The following DGKG variants were observed in gnomAD, a reference collection of about 807,000 sequenced individuals.
The protein encoded by DGKG is DAG kinase gamma.
A neutral mutation model predicts 105.3 loss-of-function variants in DGKG; 78 were observed. That is an observed-to-expected ratio of 0.74 (90% CI 0.62 to 0.89). The LOEUF (loss-of-function observed/expected upper bound fraction) is 0.89, where lower values mean the gene tolerates loss of function less well. Among genes scored for constraint, DGKG ranks in the 40% least tolerant of loss-of-function variants. The pLI, the probability that DGKG is intolerant of heterozygous loss-of-function variation, is 0.00. For synonymous variants in DGKG, 346 were observed against 367.1 expected, an observed-to-expected ratio of 0.94 and a Z score of 0.66; for missense variants, 958 against 1,020.1, an observed-to-expected ratio of 0.94 and a Z score of 0.83.
chr3:186,164,456 G>A (rs1716439650), intron 23 of DGKG, among the ~76,000 whole-genome samples: 1 of 152,234 alleles, frequency 6.6e-6, no homozygotes, highest in African/African-American at 2.4e-5. Flanking sequence ...AGCATACAAA[G>A]GTGTATAGGA....
chr3:186,295,162 C>T (rs961153081), intron 5 of DGKG, among the ~76,000 whole-genome samples: 4 of 152,054 alleles, frequency 2.6e-5, no homozygotes, highest in Admixed American at 2.0e-4. Flanking sequence ...AATTAGTTCC[C>T]CTTCTCCTTC....
intron 20 of DGKG, 23 bp from the exon 21 acceptor site, chr3:186,211,908 G>C (rs760002403): frequency 3.8e-6 from 6 of 1,580,852 alleles, no homozygotes; most frequent in Non-Finnish European, 5.2e-6. Context: ...GCAGAGAGAT[G>C]TCTCAATATT....
chr3:186,351,405 G>T (rs1028683667), intron 1 of DGKG, among the ~76,000 whole-genome samples: 2 of 152,148 alleles, frequency 1.3e-5, no homozygotes, highest in African/African-American at 4.8e-5. Context: ...CCTAACTACT[G>T]GTTAAAAATA....
chr3:186,334,418 G>T (rs1410129413), intron 1 of DGKG, among the ~76,000 whole-genome samples: 1 of 152,162 alleles, frequency 6.6e-6, no homozygotes, highest in Non-Finnish European at 1.5e-5. Flanking sequence ...GGAAGGCTCT[G>T]GGTAGCCAGG....
rs1032294309 is a variant in DGKG, at chr3:186,226,427, A to G, written c.1827-14542T>C. Among the ~76,000 whole-genome samples, 1 of 152,096 alleles carries G rather than the reference A, an allele frequency of 6.6e-6. No individual in the cohort carries two copies. Among genetic ancestry groups the G allele is most frequent in the African/African-American group, 2.4e-5 (1 of 41,400 alleles). On this transcript the variant is annotated intron_variant, in intron 20 of 24. Transcript: ENST00000265022. The surrounding 1 kb of genome is among the most constrained non-coding windows in gnomAD (Gnocchi z 4.2). ...ATCCCGTGGTGTTATCTCCACCCCA[A>G]CCCTGCATATACAGAAACCGTGATT...
chr3:186,179,835 C>T (rs1382851671), intron 22 of DGKG, among the ~76,000 whole-genome samples: 1 of 152,220 alleles, frequency 6.6e-6, no homozygotes, highest in Non-Finnish European at 1.5e-5. Flanking sequence ...TCCTGAGCTC[C>T]AGTACAGGTG....
Position 186,210,992 on chromosome 3 carries a change from G to C in DGKG, c.1917+803C>G, listed in dbSNP as rs192473090. Among the ~76,000 whole-genome samples, 2 of 152,112 alleles carry C rather than the reference G, an allele frequency of 1.3e-5. No homozygotes were observed. Among genetic ancestry groups the C allele is most frequent in the African/African-American group, 4.8e-5 (2 of 41,422 alleles). On this transcript the variant is annotated intron_variant, in intron 21 of 24. Coordinates refer to ENST00000265022, the MANE Select transcript of DGKG (RefSeq NM_001346.3). This position sits in a 1 kb window ranked among gnomAD's most constrained non-coding sequence, Gnocchi z 5.2. ...CATGGCAATCAATGAGAGGGCTTCC[G>C]GAGCGAAGCCCAGCCAACGTGGGGT... is the stretch of plus-strand genomic sequence containing the variant.
At position 186,220,323 on chromosome 3, in the gene DGKG, T is replaced by C. The variant is rs1445804705; in HGVS notation, c.1827-8438A>G. ...GGGTACATGTAAAATTACTACTCTA[T>C]ACCAGGGCTCCATGGTGGTTCTCTT... is the stretch of plus-strand genomic sequence containing the variant. On this transcript the variant is annotated intron_variant, in intron 20 of 24. Transcript: ENST00000265022. Among the ~76,000 whole-genome samples, 4 of 152,202 alleles carry C rather than the reference T, an allele frequency of 2.6e-5. No homozygotes were observed. The East Asian group carries it at 7.7e-4, about 29-fold the overall frequency.
At chr3:186,281,837 A>T (rs1290387272) in intron 7 of DGKG, among the ~76,000 whole-genome samples, 1 of 152,192 alleles carries the variant, frequency 6.6e-6, no homozygotes. Context: ...AAATAGAAGC[A>T]GAGTTGGCAG....
chr3:186,324,750 T>A (rs1725253642), intron 1 of DGKG, among the ~76,000 whole-genome samples: 1 of 152,228 alleles, frequency 6.6e-6, no homozygotes, highest in Admixed American at 6.5e-5. Flanking sequence ...GGAATGTAAA[T>A]TAGTTCAGTC....
intron 1 of DGKG, among the ~76,000 whole-genome samples, chr3:186,349,205 A>G (rs1726507813): frequency 6.6e-6 from 1 of 152,088 alleles, no homozygotes; most frequent in Admixed American, 6.6e-5. Context: ...CTATATTTTT[A>G]TTATAACATC....
chr3:186,249,536 T>C (rs1166028286), intron 19 of DGKG, among the ~76,000 whole-genome samples: 1 of 152,190 alleles, frequency 6.6e-6, no homozygotes, highest in Non-Finnish European at 1.5e-5. Flanking sequence ...CTATTTAGCC[T>C]TCTTATTAAA....
At chr3:186,234,321 A>G (rs756381586) in intron 20 of DGKG, among the ~76,000 whole-genome samples, 3 of 152,192 alleles carry the variant, frequency 2.0e-5, no homozygotes, top group Non-Finnish European at 4.4e-5. Flanking sequence ...CCCTTCTGGA[A>G]AGCATCCAGA....
At chr3:186,285,374 G>C (rs1578776860) in intron 6 of DGKG, among the ~76,000 whole-genome samples, 1 of 152,062 alleles carries the variant, frequency 6.6e-6, no homozygotes, top group South Asian at 2.1e-4. Flanking sequence ...TCTCATTATT[G>C]CTTAATCCTC....
intron 20 of DGKG, among the ~76,000 whole-genome samples, chr3:186,233,444 C>A (rs950949999): frequency 1.3e-5 from 2 of 152,130 alleles, no homozygotes; most frequent in Admixed American, 1.3e-4. Context: ...GACTTCCAAC[C>A]TCCAGAACTG....
intron 3 of DGKG, among the ~76,000 whole-genome samples, chr3:186,298,560 G>A (rs1723711588): frequency 6.6e-6 from 1 of 152,232 alleles, no homozygotes; most frequent in African/African-American, 2.4e-5. Flanking sequence ...TGAGCCTTGG[G>A]AGTGGAGGCC....
At chr3:186,357,155 G>A (rs1442134005) in intron 1 of DGKG, among the ~76,000 whole-genome samples, 2 of 152,142 alleles carry the variant, frequency 1.3e-5, no homozygotes, top group Non-Finnish European at 1.5e-5. Context: ...TTCAAGACAC[G>A]CTGAAATCAG....
intron 11 of DGKG, among the ~76,000 whole-genome samples, chr3:186,271,905 C>T (rs1243383399): frequency 6.6e-6 from 1 of 152,184 alleles, no homozygotes; most frequent in Non-Finnish European, 1.5e-5. Context: ...TGCAACTTGC[C>T]CCGTGCTTCC....
intron 1 of DGKG, among the ~76,000 whole-genome samples, chr3:186,346,112 C>G (rs774801041): frequency 4.6e-5 from 7 of 152,148 alleles, no homozygotes; most frequent in Non-Finnish European, 7.4e-5. Flanking sequence ...AGTTAGATGT[C>G]TTTTTTAATT....
Sources: allele counts gnomAD v4.1 joint callset (sites outside exome capture counted in the v4.1 genomes callset), GRCh38; gene constraint gnomAD v4.1.1; non-coding constraint Gnocchi (gnomAD v3.1); transcripts MANE v1.5; gene names NCBI Gene and HGNC (gene_info 2026-07-23, HGNC 2026-07-21).